Variants in OPN4 observed in about 807,000 individuals in gnomAD.
OPN4 encodes the protein opsin 4.
In OPN4, 43 loss-of-function variants were observed where a neutral mutation model predicts 49.5. The ratio of observed to expected loss-of-function variants is 0.87; its 90% confidence interval spans 0.68 to 1.12. The LOEUF is 1.12. OPN4 is among the 50% of genes most tolerant of loss of function. The pLI, the probability that OPN4 is intolerant of heterozygous loss-of-function variation, is 0.00. For synonymous variants in OPN4, 263 were observed against 258.0 expected, an observed-to-expected ratio of 1.02 and a Z score of -0.19; for missense variants, 657 against 643.9, an observed-to-expected ratio of 1.02 and a Z score of -0.22.
chr10:86,659,285 C>T lies in OPN4; in HGVS notation c.629-12C>T, dbSNP rs1589587846. Reference sequence around the variant, plus strand: ...GCCGCCCCAAAGGCTGAGCACCTGCCCTGGCTCCCAGGCGCCTACGTGCCC... The same window carrying T: ...GCCGCCCCAAAGGCTGAGCACCTGCTCTGGCTCCCAGGCGCCTACGTGCCC... On this transcript the variant is annotated splice_polypyrimidine_tract_variant and intron_variant, in intron 4 of 9. Transcript: ENST00000241891. The T allele has an allele frequency of 6.2e-7, 1 of 1,607,186 alleles. No homozygotes were observed. Among genetic ancestry groups the T allele is most frequent in the Non-Finnish European group, 8.5e-7 (1 of 1,178,076 alleles).
At chr10:86,656,552 G>T (rs1843869514) in intron 2 of OPN4, among the ~76,000 whole-genome samples, 1 of 152,190 alleles carries the variant, frequency 6.6e-6, no homozygotes, top group Non-Finnish European at 1.5e-5. Flanking sequence ...TCTGTGGAGG[G>T]TGTGTGTGCC....
At chr10:86,661,460 C>T (rs1844006413) in intron 7 of OPN4, 72 bp downstream of exon 7, 3 of 1,108,878 alleles carry the variant, frequency 2.7e-6, no homozygotes, top group Admixed American at 2.0e-5. Flanking sequence ...CAGAGGCCAC[C>T]ACCTTTCTGT....
Position 86,665,993 on chromosome 10 carries a change from G to T in OPN4, c.*242G>T, listed in dbSNP as rs1242520157. 2 of 564,804 alleles carry T rather than the reference G, an allele frequency of 3.5e-6. No homozygotes were observed. Among genetic ancestry groups the T allele is most frequent in the Non-Finnish European group, 6.3e-6 (2 of 318,962 alleles). 35.0% of individuals were successfully genotyped at this position (564,804 alleles called of 1,614,324 possible). A position where few individuals can be genotyped will look rare whatever the true frequency, so the allele number is the denominator to read the frequency against. ...AGCCGCACCCGAGGCTCAGCCTGAG[G>T]GGTATGTGCCCAGGCCCTCCCACTT... On this transcript the variant is annotated 3_prime_UTR_variant, in exon 10 of 10. Coordinates refer to ENST00000241891, the MANE Select transcript of OPN4 (RefSeq NM_033282.4).
At chr10:86,659,726 T>C (rs558505115) in intron 5 of OPN4, among the ~76,000 whole-genome samples, 169 bp from the exon 6 acceptor site, 2 of 152,268 alleles carry the variant, frequency 1.3e-5, no homozygotes, top group East Asian at 3.9e-4. Flanking sequence ...AGCTGAGACC[T>C]CATGTCACAG....
rs36066030 is a variant in OPN4 at position 86,662,218 on chromosome 10, C to G, written c.1074-34C>G. On this transcript the variant is annotated intron_variant, in intron 7 of 9. Transcript: ENST00000241891. ...CCCTCCCCTGCATCTGTCTGCCCATCCCCTGGCCCTAATCAGATGTGCGGC... is the reference window on the plus strand; with the variant it reads ...CCCTCCCCTGCATCTGTCTGCCCATGCCCTGGCCCTAATCAGATGTGCGGC... 1.3e-3 allele frequency: 2,148 copies of G among 1,591,182 alleles called. 33 individuals carry two copies. In the African/African-American group the frequency reaches 0.025, roughly 19 times the overall value.
Position 86,659,873 on chromosome 10 carries a change from C to T in OPN4, c.801-22C>T, listed in dbSNP as rs763242478. 3 of 1,613,536 alleles carry T rather than the reference C, an allele frequency of 1.9e-6. No individual in the cohort carries two copies. The Admixed American group carries it at 5.0e-5, about 27-fold the overall frequency. On this transcript the variant is annotated intron_variant, in intron 5 of 9. Transcript: ENST00000241891. ...GACTGCCACCCGACTAGGGTCAGAC[C>T]TGGACGATGCGTCCTTCCTAGGGCT...
intron 2 of OPN4, chr10:86,657,226 C>T (rs1256847764): frequency 1.3e-6 from 1 of 780,716 alleles, no homozygotes; most frequent in South Asian, 1.3e-5. Context: ...TGTGATGATG[C>T]AGTAAGTTCA....
At position 86,662,871 on chromosome 10, in the gene OPN4, G is replaced by A. The variant is rs1169898452; in HGVS notation, c.1254+439G>A. On this transcript the variant is annotated intron_variant, in intron 8 of 9. Coordinates refer to ENST00000241891, the MANE Select transcript of OPN4 (RefSeq NM_033282.4). ...GGAGACTTGAAGAGCTCACGGGATG[G>A]GCATGGGCCCTGGAGATGGGAGATG... is the stretch of plus-strand genomic sequence containing the variant. 2.6e-5 allele frequency among the ~76,000 whole-genome samples: 4 copies of A among 152,382 alleles called. No individual in the cohort carries two copies. In the East Asian group the frequency reaches 7.7e-4, roughly 29 times the overall value.
chr10:86,656,446 A>G (rs1259703877), intron 2 of OPN4, 146 bp downstream of exon 2: 2 of 1,073,482 alleles, frequency 1.9e-6, no homozygotes, highest in Middle Eastern at 3.2e-4. Context: ...GCCTTCGATG[A>G]TCTCAGGCCC....
intron 1 of OPN4, 108 bp from the exon 2 acceptor site, chr10:86,656,047 C>G: frequency 6.9e-7 from 1 of 1,439,370 alleles, no homozygotes; most frequent in Non-Finnish European, 9.6e-7. Flanking sequence ...CCACTCTGAG[C>G]CTCAGTTTTC....
At chr10:86,663,240 G>A (rs554435743) in intron 8 of OPN4, among the ~76,000 whole-genome samples, 3 of 152,088 alleles carry the variant, frequency 2.0e-5, no homozygotes, top group African/African-American at 4.8e-5. Flanking sequence ...ACCGGCCAGC[G>A]ATCTCCTCCC....
At chr10:86,663,409 A>G (rs577202529) in intron 8 of OPN4, among the ~76,000 whole-genome samples, 9 of 152,186 alleles carry the variant, frequency 5.9e-5, no homozygotes, top group Non-Finnish European at 1.0e-4. Context: ...AAATATAAAT[A>G]GCCACTTTCT....
At chr10:86,665,513 T>C (rs911999844) in intron 9 of OPN4, among the ~76,000 whole-genome samples, 200 bp from the exon 10 acceptor site, 2 of 151,944 alleles carry the variant, frequency 1.3e-5, no homozygotes, top group African/African-American at 2.4e-5. Flanking sequence ...CAGGAGATGC[T>C]CTGTAGGCAG....
chr10:86,663,376 G>T (rs1018457213), intron 8 of OPN4, among the ~76,000 whole-genome samples: 2 of 152,174 alleles, frequency 1.3e-5, no homozygotes, highest in Non-Finnish European at 2.9e-5. Flanking sequence ...CTAGACCCTC[G>T]TGAAGACCAC....
chr10:86,665,512 C>A (rs898209120), intron 9 of OPN4, among the ~76,000 whole-genome samples: 1 of 152,000 alleles, frequency 6.6e-6, no homozygotes, highest in African/African-American at 2.4e-5. Context: ...CCAGGAGATG[C>A]TCTGTAGGCA....
At position 86,659,492 on chromosome 10, in the gene OPN4, G is replaced by C. The variant is rs1843952540; in HGVS notation, c.800+24G>C. The C allele has an allele frequency of 2.5e-6, 4 of 1,610,778 alleles. No individual in the cohort carries two copies. The South Asian group carries it at 4.4e-5, about 18-fold the overall frequency. On this transcript the variant is annotated intron_variant, in intron 5 of 9. Coordinates refer to ENST00000241891, the MANE Select transcript of OPN4 (RefSeq NM_033282.4). ...CGGTAAGAGCCGAGCATGGAGGGGG[G>C]CTACAGGAGGGGGACCGGCCCCTCG...
At chr10:86,661,191 T>A (rs1843996215) in intron 6 of OPN4, 90 bp from the exon 7 acceptor site, 2 of 1,015,486 alleles carry the variant, frequency 2.0e-6, no homozygotes, top group Admixed American at 3.6e-5. Context: ...TGGGCTGGAT[T>A]AGGATTTGGG....
rs182242809 is a variant in OPN4, at chr10:86,662,496, T to G, written c.1254+64T>G. 164 of 1,463,700 alleles carry G rather than the reference T, an allele frequency of 1.1e-4. No homozygotes were observed. In the East Asian group the frequency reaches 3.3e-3, roughly 30 times the overall value. 90.7% of individuals were successfully genotyped at this position (1,463,700 alleles called of 1,614,324 possible). ...TCCCTTCCTCAGGCAGCCCTGGGGC[T>G]CTGGGGAATACATAGGCCCTGGCAG... is the stretch of plus-strand genomic sequence containing the variant. On this transcript the variant is annotated intron_variant, in intron 8 of 9. Coordinates refer to ENST00000241891, the MANE Select transcript of OPN4 (RefSeq NM_033282.4).
intron 9 of OPN4, among the ~76,000 whole-genome samples, chr10:86,665,128 G>A (rs1844118253): frequency 6.6e-6 from 1 of 152,236 alleles, no homozygotes; most frequent in African/African-American, 2.4e-5. Context: ...AGCTCAATAT[G>A]TCCTGGAACA....
Sources: allele counts gnomAD v4.1 joint callset (sites outside exome capture counted in the v4.1 genomes callset), GRCh38; gene constraint gnomAD v4.1.1; transcripts MANE v1.5; gene names NCBI Gene and HGNC (gene_info 2026-07-23, HGNC 2026-07-21).